The following UTRN variants were observed in gnomAD, a reference collection of about 807,000 sequenced individuals.
UTRN encodes the protein dystrophin-related protein 1.
Under a neutral mutation model 463.9 loss-of-function variants are expected in UTRN, and 283 were observed. The observed-to-expected ratio is 0.61, with a 90% confidence interval of 0.55 to 0.67. UTRN has a LOEUF of 0.67. Among genes scored for constraint, UTRN ranks in the 30% least tolerant of loss-of-function variants. The pLI is 0.00. For missense variants in UTRN, 3,922 were observed against 4,084.3 expected (o/e 0.96, Z 1.08); for synonymous variants, 1,442 against 1,431.5 (o/e 1.01, Z -0.17).
At chr6:144,840,579 T>C (rs1352559188) in intron 72 of UTRN, among the ~76,000 whole-genome samples, 161 bp from the exon 73 acceptor site, 1 of 152,152 alleles carries the variant, frequency 6.6e-6, no homozygotes, top group Non-Finnish European at 1.5e-5. Context: ...CAAGCAAAAA[T>C]GTTTTGGGTA....
At chr6:144,750,539 C>T (rs1336631624) in intron 55 of UTRN, among the ~76,000 whole-genome samples, 1 of 152,052 alleles carries the variant, frequency 6.6e-6, no homozygotes, top group East Asian at 1.9e-4. Context: ...AAAGAGCCTC[C>T]CCACTTAAAG....
At position 144,462,723 on chromosome 6, in the gene UTRN, G is replaced by A. The variant is rs1789548848; in HGVS notation, c.2923G>A (p.Glu975Lys). 1.2e-6 allele frequency: 2 copies of A among 1,610,538 alleles called. No individual in the cohort carries two copies. Among genetic ancestry groups the A allele is most frequent in the Non-Finnish European group, 1.7e-6 (2 of 1,179,240 alleles). ...ACTTGCAGAAGAAACAAAGGCTCTG[G>A]AGAAAAATGTTCATCCTGATGTAGA... The part of the protein sequence containing the change: ...HKLAEETKAL[E>K]KNVHPDVEKL... The change falls in exon 23 of 75, where the codon GAG becomes AAG. Residue 975 changes from glutamate (E) to lysine (K), a missense_variant. Glu to Lys is a moderately conservative substitution (Grantham distance 56). This residue lies in a region of UTRN where 2,349 missense variants were observed against 2,303.8 expected (regional missense o/e 1.02). Transcript: ENST00000367545.
At chr6:144,743,627 T>C (rs544525471) in intron 54 of UTRN, among the ~76,000 whole-genome samples, 1 of 152,342 alleles carries the variant, frequency 6.6e-6, no homozygotes, top group South Asian at 2.1e-4. Flanking sequence ...GGAGCAGGAC[T>C]GATTCCAAAT....
chr6:144,588,970 G>A (rs1487927905), intron 51 of UTRN, among the ~76,000 whole-genome samples: 1 of 152,110 alleles, frequency 6.6e-6, no homozygotes, highest in Non-Finnish European at 1.5e-5. Flanking sequence ...TGCATCAGAG[G>A]GTTGCTTTTC....
chr6:144,358,434 C>T (rs962249726), intron 2 of UTRN, among the ~76,000 whole-genome samples: 2 of 152,128 alleles, frequency 1.3e-5, no homozygotes, highest in Non-Finnish European at 2.9e-5. Flanking sequence ...GATAGTGAGC[C>T]ATGAAATAAG....
At chr6:144,346,855 C>G (rs1487292506) in intron 2 of UTRN, among the ~76,000 whole-genome samples, 1 of 146,064 alleles carries the variant, frequency 6.8e-6, no homozygotes, top group Non-Finnish European at 1.5e-5. Context: ...CTATCACTAT[C>G]TCTCTGTCTA....
At chr6:144,686,045 C>A (rs1782721771) in intron 52 of UTRN, among the ~76,000 whole-genome samples, 1 of 152,066 alleles carries the variant, frequency 6.6e-6, no homozygotes, top group Non-Finnish European at 1.5e-5. Context: ...AGATTTAAGT[C>A]TTTAATCCAT....
chr6:144,490,762 C>G (rs548922411), intron 31 of UTRN, among the ~76,000 whole-genome samples, 167 bp from the exon 32 acceptor site: 5 of 152,164 alleles, frequency 3.3e-5, no homozygotes, highest in Non-Finnish European at 5.9e-5. Flanking sequence ...CTTAGGTGAT[C>G]GGGTACCCTC....
Position 144,748,427 on chromosome 6 carries a change from G to A in UTRN, c.8121G>A (p.Met2707Ile), listed in dbSNP as rs761673306. 4.3e-6 allele frequency: 7 copies of A among 1,613,980 alleles called. No homozygotes were observed. The highest frequency in any genetic ancestry group is 5.1e-6 in the Non-Finnish European group (6 of 1,179,930). Residue 2707 changes from methionine to isoleucine, a missense_variant, in exon 55 of 75, where the codon ATG (methionine) becomes ATA (isoleucine). Met to Ile is a conservative substitution (Grantham distance 10). Coordinates refer to ENST00000367545, the MANE Select transcript of UTRN (RefSeq NM_007124.3). ...QGAMDDLDAD[M>I]KEAESVRNGW... is the part of the protein sequence containing the mutation. ...CTATGGATGACCTGGACGCTGACAT[G>A]AAGGAGGCAGAGTCCGTGCGGAATG...
Position 144,428,761 on chromosome 6 carries a change from A to G in UTRN, c.579-17A>G. The G allele has an allele frequency of 6.9e-7, 1 of 1,458,180 alleles. No homozygotes were observed. The highest frequency in any genetic ancestry group is 9.4e-7 in the Non-Finnish European group (1 of 1,060,148). 90.3% of individuals were successfully genotyped at this position (1,458,180 alleles called of 1,614,324 possible). On this transcript the variant is annotated splice_polypyrimidine_tract_variant and intron_variant, in intron 7 of 74. Coordinates refer to ENST00000367545, the MANE Select transcript of UTRN (RefSeq NM_007124.3). Reference sequence around the variant, plus strand: ...ACATATTTCATCTTCATTGCATTTTATTTGCATGGTTTTCAGACCTGATCT... The same window carrying G: ...ACATATTTCATCTTCATTGCATTTTGTTTGCATGGTTTTCAGACCTGATCT...
chr6:144,517,168 G>A (rs991112015), intron 39 of UTRN, among the ~76,000 whole-genome samples: 1 of 151,644 alleles, frequency 6.6e-6, no homozygotes, highest in Admixed American at 6.6e-5. Context: ...TTGGATTTCT[G>A]ATTATGTTAT....
chr6:144,782,326 C>T (rs1775906063), intron 61 of UTRN, among the ~76,000 whole-genome samples: 2 of 152,064 alleles, frequency 1.3e-5, no homozygotes, highest in South Asian at 4.1e-4. Flanking sequence ...GAATGTACAT[C>T]TTTCATTTTA....
chr6:144,609,839 A>G (rs1805286208), intron 51 of UTRN, among the ~76,000 whole-genome samples: 1 of 152,332 alleles, frequency 6.6e-6, no homozygotes, highest in Non-Finnish European at 1.5e-5. Flanking sequence ...CCACTGGGTC[A>G]CAGAAAAAAT....
intron 2 of UTRN, among the ~76,000 whole-genome samples, chr6:144,301,336 A>G (rs1431773371): frequency 6.6e-6 from 1 of 152,094 alleles, no homozygotes. Context: ...CGTGTTGTAA[A>G]TTAGAAGAGT....
chr6:144,422,940 A>C (rs570549642), intron 4 of UTRN, among the ~76,000 whole-genome samples: 2 of 152,264 alleles, frequency 1.3e-5, no homozygotes, highest in South Asian at 4.1e-4. Context: ...TTCCTCTCTC[A>C]GATAAGGTTC....
In UTRN at chr6:144,474,640, C is replaced by G. The variant is rs368642782; in HGVS notation, c.3217C>G (p.Leu1073Val). 77 of 1,613,390 alleles carry G rather than the reference C, an allele frequency of 4.8e-5. No homozygotes were observed. The highest frequency in any genetic ancestry group is 6.3e-5 in the Non-Finnish European group (74 of 1,179,824). The change falls in exon 25 of 75, where the codon CTG becomes GTG. Residue 1073 changes from leucine to valine, a missense_variant. Around this residue, in one of 3 missense-constraint regions of UTRN, gnomAD observed 2,349 missense variants for 2,303.8 expected, o/e 1.02. Transcript: ENST00000367545. ...VNEIETIESS[L>V]KNMKEIETNL... Reference sequence around the variant, plus strand: ...TGAAATAGAAACAATTGAATCATCTCTGAAAAACATGAAGGAAATAGAGAC... The same window carrying G: ...TGAAATAGAAACAATTGAATCATCTGTGAAAAACATGAAGGAAATAGAGAC...
chr6:144,572,928 G>A (rs1183603112), intron 50 of UTRN, among the ~76,000 whole-genome samples: 1 of 152,130 alleles, frequency 6.6e-6, no homozygotes, highest in African/African-American at 2.4e-5. Context: ...TGGGATTGCT[G>A]GGTCAAATGG....
chr6:144,618,146 GA>G (rs1448360368), intron 51 of UTRN, among the ~76,000 whole-genome samples: 1 of 152,104 alleles, frequency 6.6e-6, no homozygotes, highest in African/African-American at 2.4e-5. Context: ...ACCATTCAGA[GA>G]AGCCATCTGT....
chr6:144,554,565 G>A (rs1799216008), intron 48 of UTRN, 123 bp from the exon 49 acceptor site: 1 of 968,984 alleles, frequency 1.0e-6, no homozygotes, highest in Admixed American at 2.7e-5. Flanking sequence ...TTCAAAATGT[G>A]TTTATCAGCT....
Sources: allele counts gnomAD v4.1 joint callset (sites outside exome capture counted in the v4.1 genomes callset), GRCh38; gene constraint gnomAD v4.1.1; regional missense constraint gnomAD v4.1.1; transcripts MANE v1.5; gene names NCBI Gene and HGNC (gene_info 2026-07-23, HGNC 2026-07-21).